CNTNAP4: variants seen among roughly 807,000 people sequenced by gnomAD.
The protein encoded by CNTNAP4 is contactin associated protein family member 4, also known as contactin-associated protein-like 4.
CNTNAP4 carries 98 observed loss-of-function variants against 148.4 expected under a neutral mutation model. That is an observed-to-expected ratio of 0.66 (90% confidence interval 0.56 to 0.78). The LOEUF (loss-of-function observed/expected upper bound fraction) is 0.78, where lower values mean the gene tolerates loss of function less well. Ranked by LOEUF, CNTNAP4 falls within the 30% of genes least tolerant of loss-of-function variation. The pLI is 0.00. For synonymous variants in CNTNAP4, 730 were observed against 565.1 expected, an observed-to-expected ratio of 1.29 and a Z score of -4.14; for missense variants, 1,935 against 1,565.6, an observed-to-expected ratio of 1.24 and a Z score of -3.98.
At chr16:76,364,788 A>G (rs557747052) in intron 3 of CNTNAP4, among the ~76,000 whole-genome samples, 17 of 152,142 alleles carry the variant, frequency 1.1e-4, no homozygotes, top group Non-Finnish European at 2.4e-4. Flanking sequence ...TTAAATAGAG[A>G]CGAGATTAAA....
chr16:76,310,162 G>C (rs1301100516), intron 1 of CNTNAP4, among the ~76,000 whole-genome samples: 1 of 151,958 alleles, frequency 6.6e-6, no homozygotes, highest in African/African-American at 2.4e-5. Context: ...TCTCTCGTTG[G>C]GCAGGAAACA....
intron 11 of CNTNAP4, among the ~76,000 whole-genome samples, chr16:76,477,311 C>A (rs2081621990): frequency 6.6e-6 from 1 of 152,086 alleles, no homozygotes; most frequent in East Asian, 1.9e-4. Flanking sequence ...GACCAAAATG[C>A]CCATTTCCCC....
chr16:76,452,377 GA>G (rs1468063262), intron 7 of CNTNAP4, 130 bp from the exon 8 acceptor site: 4 of 794,348 alleles, frequency 5.0e-6, no homozygotes, highest in Non-Finnish European at 8.1e-6. Context: ...CAGTGGTTTG[GA>G]CTGTCATGTT....
intron 20 of CNTNAP4, among the ~76,000 whole-genome samples, chr16:76,540,129 A>G (rs537702847): frequency 3.3e-5 from 5 of 152,292 alleles, no homozygotes; most frequent in Non-Finnish European, 4.4e-5. Flanking sequence ...GACCATTGCT[A>G]TGCTAATGAA....
At chr16:76,436,922 A>G (rs2079848517) in intron 4 of CNTNAP4, among the ~76,000 whole-genome samples, 1 of 152,010 alleles carries the variant, frequency 6.6e-6, no homozygotes, top group Non-Finnish European at 1.5e-5. Flanking sequence ...TCCTGGTACC[A>G]AAATCTGTAT....
intron 3 of CNTNAP4, among the ~76,000 whole-genome samples, chr16:76,403,938 A>C (rs763417105): frequency 2.8e-4 from 42 of 152,218 alleles, no homozygotes; most frequent in Non-Finnish European, 5.1e-4. Context: ...TTAGCAAACT[A>C]ATGTAGGAAC....
At chr16:76,536,530 A>G (rs957905725) in intron 18 of CNTNAP4, among the ~76,000 whole-genome samples, 2 of 152,190 alleles carry the variant, frequency 1.3e-5, no homozygotes, top group Non-Finnish European at 2.9e-5. Flanking sequence ...ATATTCAACA[A>G]TGCAAGGATA....
intron 12 of CNTNAP4, among the ~76,000 whole-genome samples, chr16:76,486,568 A>T (rs910189180): frequency 6.6e-6 from 1 of 152,210 alleles, no homozygotes; most frequent in Non-Finnish European, 1.5e-5. Context: ...CAAAAAAAAA[A>T]GTCTGGCAAC....
intron 3 of CNTNAP4, among the ~76,000 whole-genome samples, chr16:76,372,138 AT>A (rs35343278): frequency 1.8e-3 from 230 of 125,776 alleles, no homozygotes; most frequent in Middle Eastern, 4.1e-3. Context: ...TCCAGCCCAA[AT>A]TTTTTTTTTT....
At chr16:76,304,117 C>G (rs930324789) in intron 1 of CNTNAP4, among the ~76,000 whole-genome samples, 12 of 152,080 alleles carry the variant, frequency 7.9e-5, no homozygotes, top group African/African-American at 2.9e-4. Flanking sequence ...TATCTGCTGA[C>G]TCATTTAATT....
chr16:76,431,863 G>A (rs2079620012), intron 4 of CNTNAP4, among the ~76,000 whole-genome samples: 1 of 151,666 alleles, frequency 6.6e-6, no homozygotes, highest in Non-Finnish European at 1.5e-5. Context: ...TACTAAGATG[G>A]GAAATGAGAC....
At chr16:76,497,816 C>T (rs1390060033) in intron 14 of CNTNAP4, among the ~76,000 whole-genome samples, 1 of 151,864 alleles carries the variant, frequency 6.6e-6, no homozygotes, top group Admixed American at 6.6e-5. Context: ...ATGTTCTGCA[C>T]ATGTATCCTA....
intron 9 of CNTNAP4, 79 bp downstream of exon 9, chr16:76,462,184 G>A (rs1047235202): frequency 8.2e-7 from 1 of 1,225,696 alleles, no homozygotes; most frequent in Non-Finnish European, 1.1e-6. Flanking sequence ...AAGTCATCAT[G>A]TTTTAACTAA....
intron 3 of CNTNAP4, among the ~76,000 whole-genome samples, chr16:76,363,226 G>A (rs1193894146): frequency 1.3e-5 from 2 of 151,188 alleles, no homozygotes; most frequent in Admixed American, 1.3e-4. Flanking sequence ...AGTGGCAGTG[G>A]ATCCCGGCTC....
intron 3 of CNTNAP4, among the ~76,000 whole-genome samples, chr16:76,412,222 T>C (rs191563321): frequency 1.3e-4 from 20 of 151,514 alleles, no homozygotes; most frequent in Admixed American, 4.6e-4. Flanking sequence ...TTTAAAAATA[T>C]AGCAGTATTT....
intron 2 of CNTNAP4, among the ~76,000 whole-genome samples, chr16:76,335,636 G>C (rs145871459): frequency 1.6e-4 from 24 of 152,274 alleles, no homozygotes; most frequent in African/African-American, 5.8e-4. Context: ...TCAGTTATCT[G>C]AATGTGAAAG....
chr16:76,550,860 G>A (rs1418821548), intron 21 of CNTNAP4, among the ~76,000 whole-genome samples: 1 of 152,020 alleles, frequency 6.6e-6, no homozygotes, highest in Non-Finnish European at 1.5e-5. Context: ...TTATGTTTGA[G>A]GAGCTCACAG....
chr16:76,383,112 CTTTTTT>C (rs5817988), intron 3 of CNTNAP4, among the ~76,000 whole-genome samples: 1 of 147,272 alleles, frequency 6.8e-6, no homozygotes, highest in African/African-American at 2.5e-5. Flanking sequence ...ATTTATCCCA[CTTTTTT>C]TTTTTTAATT....
chr16:76,326,759 T>TG (rs1331796151), intron 2 of CNTNAP4, among the ~76,000 whole-genome samples: 1 of 125,710 alleles, frequency 8.0e-6, no homozygotes, highest in Non-Finnish European at 1.6e-5. Flanking sequence ...TGAGAACACT[T>TG]GGACACAGGA....
Sources: allele counts gnomAD v4.1 joint callset (sites outside exome capture counted in the v4.1 genomes callset), GRCh38; gene constraint gnomAD v4.1.1; transcripts MANE v1.5; gene names NCBI Gene and HGNC (gene_info 2026-07-23, HGNC 2026-07-21).